Variants in SOD2 observed in about 807,000 individuals in gnomAD.
SOD2 encodes the protein superoxide dismutase 2, also known as superoxide dismutase [Mn], mitochondrial.
SOD2 carries 11 observed loss-of-function variants against 27.0 expected under a neutral mutation model. The observed-to-expected ratio is 0.41, with a 90% CI of 0.26 to 0.67. SOD2 has a LOEUF of 0.67. Ranked by LOEUF, SOD2 falls within the 30% of genes least tolerant of loss-of-function variation. The pLI is 0.34. For missense variants in SOD2, 250 were observed against 274.5 expected, an observed-to-expected ratio of 0.91 and a Z score of 0.63; for synonymous variants, 105 against 103.0, an observed-to-expected ratio of 1.02 and a Z score of -0.12.
At chr6:159,710,882 C>T (rs1234352889) in intron 1 of SOD2, among the ~76,000 whole-genome samples, 4 of 150,478 alleles carry the variant, frequency 2.7e-5, no homozygotes, top group Non-Finnish European at 4.4e-5. Context: ...CTCTGACCTC[C>T]ATAACCGCCT....
At chr6:159,734,995 A>G (rs1021337509) in intron 1 of SOD2, among the ~76,000 whole-genome samples, 2 of 152,156 alleles carry the variant, frequency 1.3e-5, no homozygotes, top group Admixed American at 6.5e-5. Context: ...AGTGTTCCCT[A>G]CTTGAATTCA....
At chr6:159,710,270 C>CAT (rs141490345) in intron 1 of SOD2, among the ~76,000 whole-genome samples, 41,727 of 143,338 alleles carry the variant, frequency 0.29, 6,112 homozygotes, top group East Asian at 0.4. Context: ...AGTATAAATA[C>CAT]ATATATATAT....
rs776383289 is a variant in SOD2 at position 159,682,250 on chromosome 6, A to C, written c.*243T>G. 9.1e-6 allele frequency: 3 copies of C among 331,372 alleles called. No individual in the cohort carries two copies. The highest frequency in any genetic ancestry group is 1.6e-5 in the Non-Finnish European group (3 of 183,612). The allele number at this position is 331,372 out of a possible 1,614,324, so 20.5% of individuals were successfully genotyped here. A position where few individuals can be genotyped will look rare whatever the true frequency, so the allele number is the denominator to read the frequency against. ...GTTTTATAAATGACAATTGTAATTTAGCTCTCTGAAGAAAATGTCCAATCA... is the reference window on the plus strand; with the variant it reads ...GTTTTATAAATGACAATTGTAATTTCGCTCTCTGAAGAAAATGTCCAATCA... On this transcript the variant is annotated 3_prime_UTR_variant, in exon 5 of 5. Transcript: ENST00000538183.
At chr6:159,698,955 G>A (rs537998571) in intron 1 of SOD2, among the ~76,000 whole-genome samples, 241 of 147,470 alleles carry the variant, frequency 1.6e-3, no homozygotes, top group Non-Finnish European at 2.8e-3. Context: ...CGGGGGTGGA[G>A]GCAGAAGAAA....
At chr6:159,713,660 G>T in intron 1 of SOD2, 1 of 992,784 alleles carries the variant, frequency 1.0e-6, no homozygotes, top group Non-Finnish European at 1.6e-6. Context: ...TAAGCCAGAC[G>T]AAGCCATCGT....
At chr6:159,727,751 C>A (rs1232796882), upstream of SOD2, 1 of 982,746 alleles carries the variant, frequency 1.0e-6, no homozygotes, top group African/African-American at 1.7e-5. Context: ...ACCTCCGGGG[C>A]CTGAGGGCTG....
intron 1 of SOD2, among the ~76,000 whole-genome samples, chr6:159,759,774 CAG>C (rs1780085721): frequency 1.3e-5 from 2 of 152,146 alleles, no homozygotes; most frequent in South Asian, 2.1e-4. Flanking sequence ...GAGGACTCCT[CAG>C]GGGACAGATT....
chr6:159,719,828 A>C (rs1777996725), intron 1 of SOD2, among the ~76,000 whole-genome samples: 1 of 150,502 alleles, frequency 6.6e-6, no homozygotes, highest in Admixed American at 6.7e-5. Flanking sequence ...GGTTCAAGAG[A>C]GTCTCCTGCC....
chr6:159,726,769 G>A (rs1778188061), intron 1 of SOD2: 6 of 1,288,798 alleles, frequency 4.7e-6, no homozygotes, highest in Admixed American at 2.3e-5. Context: ...AGATGTCAAG[G>A]AGGAACGAAC....
chr6:159,719,482 C>T (rs796912202), intron 1 of SOD2, among the ~76,000 whole-genome samples: 74 of 151,904 alleles, frequency 4.9e-4, no homozygotes, highest in African/African-American at 1.7e-3. Flanking sequence ...GAGCCGAGAT[C>T]GGGAGAGGTG....
upstream of SOD2, among the ~76,000 whole-genome samples, chr6:159,730,140 TTAATAGCTGTTTTAATCACC>T (rs1778478853): frequency 1.3e-5 from 2 of 152,212 alleles, no homozygotes; most frequent in Admixed American, 1.3e-4. Flanking sequence ...AATTTATTAA[TTAATAGCTGTTTTAATCACC>T]TAATAGCTGA....
upstream of SOD2, chr6:159,749,093 C>A (rs1392766294): frequency 3.0e-6 from 3 of 986,956 alleles, no homozygotes; most frequent in Non-Finnish European, 3.6e-6. Flanking sequence ...TGGTTTTATT[C>A]AATGGTTTGT....
chr6:159,732,548 T>C (rs770508917), intron 1 of SOD2, among the ~76,000 whole-genome samples: 1 of 152,176 alleles, frequency 6.6e-6, no homozygotes, highest in Non-Finnish European at 1.5e-5. Context: ...ATTAAAAATA[T>C]TATTGGCCGG....
chr6:159,754,256 C>T (rs1297458427), intron 1 of SOD2, among the ~76,000 whole-genome samples: 2 of 152,144 alleles, frequency 1.3e-5, no homozygotes, highest in African/African-American at 4.8e-5. Context: ...AACTACCTAC[C>T]TTTTCAAAAT....
intron 1 of SOD2, among the ~76,000 whole-genome samples, chr6:159,723,309 A>G (rs2842968): frequency 0.39 from 59,464 of 152,058 alleles, 13,000 homozygotes; most frequent in Admixed American, 0.5. Context: ...AAGTTCTCCC[A>G]TTTTCCTTTC....
At chr6:159,759,158 C>T (rs1583116082) in intron 1 of SOD2, among the ~76,000 whole-genome samples, 2 of 150,974 alleles carry the variant, frequency 1.3e-5, no homozygotes, top group South Asian at 2.1e-4. Flanking sequence ...CTCCCAGGTT[C>T]AAGCAATTCT....
chr6:159,684,715 C>G, intron 4 of SOD2, 139 bp downstream of exon 4: 1 of 557,520 alleles, frequency 1.8e-6, no homozygotes, highest in African/African-American at 1.9e-5. Flanking sequence ...TTTTTACTTA[C>G]ACAAGACTCT....
intron 1 of SOD2, chr6:159,741,907 G>C: frequency 2.0e-6 from 1 of 488,960 alleles, no homozygotes; most frequent in Non-Finnish European, 3.6e-6. Flanking sequence ...CCCTGTTTGC[G>C]CCACGCTGCA....
chr6:159,755,032 G>C, intron 1 of SOD2: 1 of 1,610,972 alleles, frequency 6.2e-7, no homozygotes, highest in Non-Finnish European at 8.5e-7. Context: ...GCACAGAACT[G>C]AATGACTTCA....
Sources: gnomAD v4.1 joint callset for allele counts (sites outside exome capture counted in the v4.1 genomes callset) on GRCh38, gnomAD v4.1.1 for gene constraint, MANE v1.5 for transcripts, NCBI Gene and HGNC (gene_info 2026-07-23, HGNC 2026-07-21) for gene names.